STX17: variants seen among roughly 807,000 people sequenced by gnomAD.
STX17 encodes the protein syntaxin-17.
A neutral mutation model predicts 35.9 loss-of-function variants in STX17; 29 were observed. The observed-to-expected ratio is 0.81, with a 90% CI of 0.60 to 1.10. STX17 has a LOEUF of 1.10. Among genes scored for constraint, STX17 ranks in the 50% least tolerant of loss-of-function variants. The pLI is 0.00. For synonymous variants in STX17, 92 were observed against 118.3 expected, an observed-to-expected ratio of 0.78 and a Z score of 1.44; for missense variants, 312 against 352.3, an observed-to-expected ratio of 0.89 and a Z score of 0.92.
rs991915081 is a variant in STX17, at chr9:99,973,543, C to A, written c.*4870C>A. Among the ~76,000 whole-genome samples, 1 of 152,146 alleles carries A rather than the reference C, an allele frequency of 6.6e-6. No individual in the cohort carries two copies. The highest frequency in any genetic ancestry group is 1.5e-5 in the Non-Finnish European group (1 of 68,030). On this transcript the variant is annotated 3_prime_UTR_variant, in exon 8 of 8. Transcript: ENST00000259400. ...CCCATCCCAGCCATGAATCTTTCAA[C>A]CTTAGTGGTCACCAACTTGACTCCA...
chr9:99,921,846 T>C (rs998158590), intron 2 of STX17, among the ~76,000 whole-genome samples: 3 of 152,120 alleles, frequency 2.0e-5, no homozygotes, highest in African/African-American at 7.2e-5. Context: ...TGAACTCATC[T>C]GAAGTATCTA....
At chr9:99,947,583 C>T (rs909450651) in intron 3 of STX17, among the ~76,000 whole-genome samples, 1 of 152,236 alleles carries the variant, frequency 6.6e-6, no homozygotes, top group Non-Finnish European at 1.5e-5. Context: ...CTCTTCTAAG[C>T]CGCTGGGGGC....
intron 2 of STX17, among the ~76,000 whole-genome samples, chr9:99,927,643 T>G (rs1829015966): frequency 2.0e-5 from 3 of 151,958 alleles, no homozygotes; most frequent in African/African-American, 7.2e-5. Context: ...CCCAGATAAT[T>G]TTTTTGTACT....
At chr9:99,967,390 T>C (rs1160183535) in intron 6 of STX17, 1 of 298,112 alleles carries the variant, frequency 3.4e-6, no homozygotes, top group Admixed American at 4.4e-5. Flanking sequence ...AATATGTTTG[T>C]ATGTTTGAGT....
At chr9:99,922,254 G>T (rs1828904453) in intron 2 of STX17, among the ~76,000 whole-genome samples, 2 of 152,126 alleles carry the variant, frequency 1.3e-5, no homozygotes, top group African/African-American at 4.8e-5. Flanking sequence ...ACCCAAAGGG[G>T]ACAGGAGTCA....
chr9:99,959,415 G>T (rs1365501886), intron 4 of STX17, among the ~76,000 whole-genome samples: 1 of 148,232 alleles, frequency 6.7e-6, no homozygotes, highest in African/African-American at 2.5e-5. Context: ...AAAAAAAAAT[G>T]TGTTAACTAA....
intron 6 of STX17, among the ~76,000 whole-genome samples, chr9:99,960,991 A>C (rs1490319625): frequency 6.6e-6 from 1 of 152,084 alleles, no homozygotes; most frequent in East Asian, 1.9e-4. Context: ...GAAGTTATGG[A>C]GTATATTTGA....
intron 2 of STX17, among the ~76,000 whole-genome samples, chr9:99,921,807 C>G (rs1342815082): frequency 1.3e-5 from 2 of 151,900 alleles, no homozygotes; most frequent in Non-Finnish European, 2.9e-5. Flanking sequence ...TTGGTTCTCT[C>G]GAGTGTAATT....
intron 1 of STX17, among the ~76,000 whole-genome samples, chr9:99,913,591 T>C (rs1435854188): frequency 1.3e-5 from 2 of 152,182 alleles, no homozygotes; most frequent in African/African-American, 4.8e-5. Flanking sequence ...TATACTTACT[T>C]TAGTTTCTTT....
intron 4 of STX17, among the ~76,000 whole-genome samples, chr9:99,953,591 G>A (rs993952114): frequency 1.3e-5 from 2 of 152,098 alleles, no homozygotes; most frequent in African/African-American, 4.8e-5. Flanking sequence ...ATGTGCACAT[G>A]TGGAGTAACT....
intron 2 of STX17, chr9:99,916,192 C>T: frequency 4.9e-6 from 2 of 410,264 alleles, no homozygotes; most frequent in Middle Eastern, 7.9e-4. Flanking sequence ...GAATTAGTCT[C>T]AGGGACTATG....
chr9:99,966,098 G>C (rs768712528), intron 6 of STX17, among the ~76,000 whole-genome samples: 5 of 152,122 alleles, frequency 3.3e-5, no homozygotes, highest in Non-Finnish European at 7.4e-5. Flanking sequence ...AGCATCACCT[G>C]GGAGCTTACT....
intron 1 of STX17, among the ~76,000 whole-genome samples, chr9:99,912,146 A>G (rs1828679046): frequency 6.6e-6 from 1 of 152,004 alleles, no homozygotes. Flanking sequence ...GAACTGCTTG[A>G]ACCCGGGAGG....
At chr9:99,924,462 A>G (rs960570555) in intron 2 of STX17, among the ~76,000 whole-genome samples, 1 of 152,056 alleles carries the variant, frequency 6.6e-6, no homozygotes, top group African/African-American at 2.4e-5. Context: ...ATAGTTTCTA[A>G]TGCATTAGAT....
intron 1 of STX17, among the ~76,000 whole-genome samples, chr9:99,912,207 CAA>C (rs1002468599): frequency 2.7e-5 from 4 of 146,392 alleles, no homozygotes; most frequent in South Asian, 2.2e-4. Flanking sequence ...GCCTGGGTGA[CAA>C]GAGCGAAAAT....
chr9:99,968,746 A>G lies in STX17; in HGVS notation c.*73A>G. On this transcript the variant is annotated 3_prime_UTR_variant, in exon 8 of 8. Coordinates refer to ENST00000259400, the MANE Select transcript of STX17 (RefSeq NM_017919.3). ...CTTTGCTGCTGTTGGACACTCCGTC[A>G]CCTTTTGGAACACAAGTATATCAAG... 1 of 1,550,072 alleles carries G rather than the reference A, an allele frequency of 6.5e-7. No homozygotes were observed. The highest frequency in any genetic ancestry group is 8.7e-7 in the Non-Finnish European group (1 of 1,148,350).
intron 6 of STX17, among the ~76,000 whole-genome samples, chr9:99,966,080 G>GCAGCAT (rs1350548168): frequency 6.6e-6 from 1 of 152,142 alleles, no homozygotes; most frequent in Non-Finnish European, 1.5e-5. Context: ...TTGTGGACTG[G>GCAGCAT]CAGCATCAGC....
Position 99,968,779 on chromosome 9 carries a change from C to G in STX17, c.*106C>G. ...GAACACAAGTATATCAAGATAGTGG[C>G]TACTGATGTTCAAGTGGGATTGAAG... On this transcript the variant is annotated 3_prime_UTR_variant, in exon 8 of 8. Transcript: ENST00000259400. 6.7e-7 allele frequency: 1 copy of G among 1,482,678 alleles called. No individual in the cohort carries two copies. Among genetic ancestry groups the G allele is most frequent in the Non-Finnish European group, 9.1e-7 (1 of 1,100,454 alleles). 91.8% of individuals were successfully genotyped at this position (1,482,678 alleles called of 1,614,324 possible). A position where few individuals can be genotyped will look rare whatever the true frequency, so the allele number is the denominator to read the frequency against.
At chr9:99,917,390 A>G (rs1158614582) in intron 2 of STX17, among the ~76,000 whole-genome samples, 10 of 152,242 alleles carry the variant, frequency 6.6e-5, no homozygotes, top group Admixed American at 6.5e-4. Flanking sequence ...TTTGGACTCC[A>G]GGTGTCTGAC....
Sources: allele counts gnomAD v4.1 joint callset (sites outside exome capture counted in the v4.1 genomes callset), GRCh38; gene constraint gnomAD v4.1.1; transcripts MANE v1.5; gene names NCBI Gene and HGNC (gene_info 2026-07-23, HGNC 2026-07-21).